The following FNIP1 variants were observed in gnomAD, a reference collection of about 807,000 sequenced individuals.
FNIP1 encodes folliculin-interacting protein 1.
Under a neutral mutation model 124.5 loss-of-function variants are expected in FNIP1, and 40 were observed. The ratio of observed to expected loss-of-function variants is 0.32; its 90% CI spans 0.25 to 0.42. The LOEUF is 0.42. Ranked by LOEUF, FNIP1 falls within the 10% of genes least tolerant of loss-of-function variation. FNIP1 has a pLI of 1.00. For synonymous variants in FNIP1, 472 were observed against 470.6 expected (o/e 1.00, Z -0.04); for missense variants, 1,176 against 1,403.7 (o/e 0.84, Z 2.59).
At chr5:131,796,524 C>A in intron 1 of FNIP1, 1 of 416,842 alleles carries the variant, frequency 2.4e-6, no homozygotes, top group East Asian at 4.3e-5. Flanking sequence ...CGTGTGGACC[C>A]AAAGTCTCAG....
Position 131,672,013 on chromosome 5 carries a change from G to C in FNIP1, c.2431C>G (p.Gln811Glu), listed in dbSNP as rs758273100. ...TKDQSGESDT[Q>E]NMVSEEPCEL... Reference sequence around the variant, plus strand: ...CAGGGCTCTTCAGAAACCATGTTCTGTGTATCAGACTCTCCAGATTGGTCC... The same window carrying C: ...CAGGGCTCTTCAGAAACCATGTTCTCTGTATCAGACTCTCCAGATTGGTCC... The change falls in exon 14 of 18, where the codon CAG (glutamine) becomes GAG (glutamate). Residue 811 changes from glutamine to glutamate, a missense_variant. This residue lies in a region of FNIP1 where 1,109 missense variants were observed against 1,288.5 expected (regional missense o/e 0.86). Coordinates refer to ENST00000510461, the MANE Select transcript of FNIP1 (RefSeq NM_133372.3). 1.7e-5 allele frequency: 27 copies of C among 1,614,170 alleles called. No individual in the cohort carries two copies. The highest frequency in any genetic ancestry group is 2.2e-5 in the East Asian group (1 of 44,884).
At chr5:131,716,385 T>A (rs1470457990) in intron 6 of FNIP1, among the ~76,000 whole-genome samples, 180 bp downstream of exon 6, 1 of 152,216 alleles carries the variant, frequency 6.6e-6, no homozygotes, top group African/African-American at 2.4e-5. Flanking sequence ...TTCAAATATA[T>A]GAAAAATATG....
At chr5:131,691,605 A>G (rs1158493789) in intron 11 of FNIP1, among the ~76,000 whole-genome samples, 1 of 152,188 alleles carries the variant, frequency 6.6e-6, no homozygotes, top group Non-Finnish European at 1.5e-5. Flanking sequence ...AAAAACACAA[A>G]AAGACACAAA....
chr5:131,747,337 C>A (rs991525175), intron 1 of FNIP1, among the ~76,000 whole-genome samples: 1 of 152,190 alleles, frequency 6.6e-6, no homozygotes, highest in Non-Finnish European at 1.5e-5. Context: ...AAATTCTTGA[C>A]AGAAAATATA....
At chr5:131,659,813 G>A (rs550252314) in intron 15 of FNIP1, among the ~76,000 whole-genome samples, 7 of 152,290 alleles carry the variant, frequency 4.6e-5, no homozygotes, top group African/African-American at 9.6e-5. Context: ...AGCAGCATAC[G>A]GTGCTCCTTG....
intron 3 of FNIP1, among the ~76,000 whole-genome samples, chr5:131,729,309 G>A (rs1280642529): frequency 1.3e-5 from 2 of 152,208 alleles, no homozygotes; most frequent in Non-Finnish European, 2.9e-5. Flanking sequence ...CAGGTGCTCT[G>A]TCCCAGGGAG....
intron 1 of FNIP1, among the ~76,000 whole-genome samples, chr5:131,771,158 C>T (rs1394927736): frequency 6.6e-6 from 1 of 152,024 alleles, no homozygotes; most frequent in Non-Finnish European, 1.5e-5. Flanking sequence ...AACTAGTAAA[C>T]TCAGAATTAA....
At chr5:131,794,999 AT>A (rs1411609382) in intron 1 of FNIP1, among the ~76,000 whole-genome samples, 1 of 152,248 alleles carries the variant, frequency 6.6e-6, no homozygotes, top group African/African-American at 2.4e-5. Flanking sequence ...TTGTGTATAA[AT>A]TATAGCTCAA....
chr5:131,690,583 C>T (rs1236727005), intron 11 of FNIP1, among the ~76,000 whole-genome samples: 3 of 152,186 alleles, frequency 2.0e-5, no homozygotes, highest in Non-Finnish European at 4.4e-5. Context: ...CCTCTTCACA[C>T]TCCGCCATAA....
intron 15 of FNIP1, 119 bp downstream of exon 15, chr5:131,670,344 G>T (rs1767713937): frequency 1.3e-6 from 1 of 784,882 alleles, no homozygotes; most frequent in East Asian, 2.9e-5. Context: ...TAAAATGATG[G>T]ATTCAGAGAA....
At chr5:131,661,866 A>G (rs1767451522) in intron 15 of FNIP1, among the ~76,000 whole-genome samples, 1 of 152,194 alleles carries the variant, frequency 6.6e-6, no homozygotes, top group Non-Finnish European at 1.5e-5. Flanking sequence ...TTTATTAATA[A>G]GAAAAAGGAT....
At chr5:131,785,356 AC>A (rs1772170663) in intron 1 of FNIP1, among the ~76,000 whole-genome samples, 1 of 151,392 alleles carries the variant, frequency 6.6e-6, no homozygotes, top group African/African-American at 2.4e-5. Flanking sequence ...GGAGTTCAAG[AC>A]CAGCCTGCCC....
chr5:131,757,092 T>A (rs1208524854), intron 1 of FNIP1, among the ~76,000 whole-genome samples: 1 of 152,130 alleles, frequency 6.6e-6, no homozygotes, highest in Non-Finnish European at 1.5e-5. Context: ...GTGGCCAGAA[T>A]GGAGCTGATA....
intron 15 of FNIP1, among the ~76,000 whole-genome samples, chr5:131,657,734 G>C (rs1404550589): frequency 2.1e-4 from 3 of 13,980 alleles, no homozygotes; most frequent in African/African-American, 7.6e-4. Context: ...TTGAAAATAA[G>C]GCAAAAAAAA....
rs188051322 is a variant in FNIP1 at position 131,710,994 on chromosome 5, A to G, written c.623-333T>C. Among the ~76,000 whole-genome samples the G allele has an allele frequency of 7.6e-4, 116 of 152,310 alleles. 2 individuals carry two copies. The East Asian group carries it at 0.019, about 25-fold the overall frequency. On this transcript the variant is annotated intron_variant, in intron 6 of 17. Transcript: ENST00000510461. ...AGTATTTTTAAAGATTTGAAAAAGT[A>G]CGATAATGTTATCTATCTAATCTGA...
chr5:131,674,691 C>T (rs1026633269), intron 13 of FNIP1, among the ~76,000 whole-genome samples: 8 of 151,992 alleles, frequency 5.3e-5, no homozygotes, highest in Non-Finnish European at 8.8e-5. Context: ...ACACTCCAGC[C>T]TGTGCAATAG....
intron 2 of FNIP1, among the ~76,000 whole-genome samples, chr5:131,734,281 T>C (rs1169013289): frequency 2.0e-5 from 3 of 152,224 alleles, no homozygotes; most frequent in Non-Finnish European, 4.4e-5. Context: ...AACCAGCTCC[T>C]GGATTCATGG....
intron 1 of FNIP1, among the ~76,000 whole-genome samples, chr5:131,785,560 A>C (rs1030512035): frequency 6.9e-6 from 1 of 144,800 alleles, no homozygotes; most frequent in East Asian, 2.0e-4. Context: ...CAAAAAAAAA[A>C]CAAAAAACAA....
intron 1 of FNIP1, among the ~76,000 whole-genome samples, chr5:131,770,211 G>A (rs543512610): frequency 6.6e-6 from 1 of 152,284 alleles, no homozygotes; most frequent in South Asian, 2.1e-4. Flanking sequence ...AATGATCACA[G>A]GGCCCAGACT....
Sources: allele counts gnomAD v4.1 joint callset (sites outside exome capture counted in the v4.1 genomes callset), GRCh38; gene constraint gnomAD v4.1.1; regional missense constraint gnomAD v4.1.1; transcripts MANE v1.5; gene names NCBI Gene and HGNC (gene_info 2026-07-23, HGNC 2026-07-21).